ATG7: variants seen among roughly 807,000 people sequenced by gnomAD.
ATG7 encodes the protein autophagy related 7.
ATG7 carries 70 observed loss-of-function variants against 82.4 expected under a neutral mutation model. The observed-to-expected ratio is 0.85, with a 90% CI of 0.70 to 1.04. The LOEUF (loss-of-function observed/expected upper bound fraction) is 1.04. Ranked by LOEUF, ATG7 falls within the 50% of genes least tolerant of loss-of-function variation. ATG7 has a pLI of 0.00. For synonymous variants in ATG7, 287 were observed against 313.0 expected, an observed-to-expected ratio of 0.92 and a Z score of 0.88; for missense variants, 792 against 864.3, an observed-to-expected ratio of 0.92 and a Z score of 1.05.
chr3:11,378,100 G>A (rs111556267), intron 18 of ATG7, among the ~76,000 whole-genome samples: 173 of 125,682 alleles, frequency 1.4e-3, no homozygotes, highest in African/African-American at 4.9e-3. Flanking sequence ...TGCAACCTCT[G>A]CCTCCCAGGA....
At chr3:11,414,162 T>C (rs1464117323) in intron 19 of ATG7, among the ~76,000 whole-genome samples, 3 of 152,140 alleles carry the variant, frequency 2.0e-5, no homozygotes, top group Admixed American at 6.6e-5. Context: ...TCCTCCCAGG[T>C]TCAAGTGATT....
intron 20 of ATG7, among the ~76,000 whole-genome samples, chr3:11,470,236 A>T (rs2087338911): frequency 6.6e-6 from 1 of 152,084 alleles, no homozygotes; most frequent in Non-Finnish European, 1.5e-5. Flanking sequence ...AACGATGGGG[A>T]TGCATTGTTA....
intron 20 of ATG7, among the ~76,000 whole-genome samples, chr3:11,451,727 C>T (rs922980186): frequency 1.4e-5 from 2 of 147,818 alleles, no homozygotes; most frequent in African/African-American, 5.0e-5. Flanking sequence ...ATGCTAACAT[C>T]TAGCATAAGA....
intron 18 of ATG7, among the ~76,000 whole-genome samples, chr3:11,365,362 T>C (rs149011642): frequency 2.0e-5 from 3 of 152,210 alleles, no homozygotes; most frequent in African/African-American, 7.2e-5. Context: ...AGAAAAAGAA[T>C]CCAAAGCATC....
intron 20 of ATG7, among the ~76,000 whole-genome samples, chr3:11,528,137 G>A (rs2092622288): frequency 6.6e-6 from 1 of 152,160 alleles, no homozygotes; most frequent in South Asian, 2.1e-4. Flanking sequence ...GTAAAGTTCT[G>A]TTTACTCTTC....
chr3:11,480,538 A>G (rs542186018), intron 20 of ATG7, among the ~76,000 whole-genome samples: 2 of 152,270 alleles, frequency 1.3e-5, no homozygotes, highest in South Asian at 4.1e-4. Context: ...ACTGCCCTCC[A>G]GCCTGGGCAA....
intron 20 of ATG7, among the ~76,000 whole-genome samples, chr3:11,491,020 C>T (rs1159364969): frequency 6.6e-6 from 1 of 152,174 alleles, no homozygotes; most frequent in Non-Finnish European, 1.5e-5. Context: ...TGTTGGCCTA[C>T]CTTGCTAGAT....
chr3:11,510,901 T>G (rs958128970), intron 20 of ATG7, among the ~76,000 whole-genome samples: 1 of 152,140 alleles, frequency 6.6e-6, no homozygotes, highest in Admixed American at 6.5e-5. Flanking sequence ...GGGTTCTTGG[T>G]CTCACTGACT....
intron 19 of ATG7, among the ~76,000 whole-genome samples, chr3:11,414,227 A>C (rs2081170261): frequency 6.6e-6 from 1 of 151,958 alleles, no homozygotes; most frequent in Admixed American, 6.6e-5. Flanking sequence ...CACCACACCT[A>C]GCTAATTTTT....
At chr3:11,569,922 C>T in the ATG7 span, among the ~76,000 whole-genome samples, 7 of 152,180 alleles carry the variant, frequency 4.6e-5, no homozygotes, top group Non-Finnish European at 1.0e-4. Flanking sequence ...TCTTAAAAAG[C>T]TTCCTCAGAA....
At chr3:11,485,580 C>T (rs1423357342) in intron 20 of ATG7, among the ~76,000 whole-genome samples, 1 of 152,168 alleles carries the variant, frequency 6.6e-6, no homozygotes, top group East Asian at 1.9e-4. Context: ...CTTTTGTTGA[C>T]ATTGCTTTTG....
chr3:11,321,747 C>A (rs1445471171), intron 9 of ATG7, among the ~76,000 whole-genome samples: 1 of 152,142 alleles, frequency 6.6e-6, no homozygotes, highest in Non-Finnish European at 1.5e-5. Context: ...GTAACAACAC[C>A]CCCTTCCTTG....
At chr3:11,397,744 C>A (rs2079440611) in intron 19 of ATG7, among the ~76,000 whole-genome samples, 2 of 62,282 alleles carry the variant, frequency 3.2e-5, no homozygotes, top group African/African-American at 1.2e-4. Context: ...GGCGTGCACC[C>A]ACGCCCAGCC....
rs567714019 is a variant in ATG7 at position 11,380,096 on chromosome 3, G to A, written c.1956+44G>A. 67 of 1,586,326 alleles carry A rather than the reference G, an allele frequency of 4.2e-5. 1 individual carries two copies. In the South Asian group the frequency reaches 6.0e-4, roughly 14 times the overall value. On this transcript the variant is annotated intron_variant, in intron 19 of 20. Coordinates refer to ENST00000693202, the MANE Select transcript of ATG7 (RefSeq NM_001349232.2). ...GAGGGACTTGTTTTTAAAAGTGAGC[G>A]GGTCAGCATTTGACCGCAGCCTCAC... is the stretch of plus-strand genomic sequence containing the variant.
At chr3:11,335,150 G>A (rs1048171923) in intron 11 of ATG7, among the ~76,000 whole-genome samples, 4 of 151,938 alleles carry the variant, frequency 2.6e-5, no homozygotes, top group African/African-American at 9.7e-5. Flanking sequence ...TCAGTTTAGA[G>A]CCTTTGCCTT....
At chr3:11,413,645 T>C (rs147988255) in intron 19 of ATG7, among the ~76,000 whole-genome samples, 13 of 152,366 alleles carry the variant, frequency 8.5e-5, no homozygotes, top group African/African-American at 3.1e-4. Flanking sequence ...TTTACTGTTA[T>C]TTCATTGAGG....
chr3:11,558,388 A>G, downstream of ATG7: 2 of 1,153,656 alleles, frequency 1.7e-6, no homozygotes, highest in Non-Finnish European at 2.4e-6. Flanking sequence ...ACGGATACCA[A>G]GCAAGTACAA....
intron 20 of ATG7, among the ~76,000 whole-genome samples, chr3:11,449,498 T>TGA (rs1011783289): frequency 2.0e-5 from 3 of 151,788 alleles, no homozygotes; most frequent in Admixed American, 6.6e-5. Context: ...ACTGAGAGGG[T>TGA]GAGAGAGAGT....
chr3:11,285,698 G>C lies in ATG7; in HGVS notation c.-11+3260G>C, dbSNP rs140366504. ...TCTGTCAGGTTGATTGGTTTTGCCTGTTGAACAACGTATAAAGCTGTGTGT... is the reference window on the plus strand; with the variant it reads ...TCTGTCAGGTTGATTGGTTTTGCCTCTTGAACAACGTATAAAGCTGTGTGT... On this transcript the variant is annotated intron_variant, in intron 3 of 20. Transcript: ENST00000693202. Among the ~76,000 whole-genome samples, 9 of 152,230 alleles carry C rather than the reference G, an allele frequency of 5.9e-5. No individual in the cohort carries two copies. The East Asian group carries it at 1.7e-3, about 29-fold the overall frequency.
Sources: allele counts gnomAD v4.1 joint callset (sites outside exome capture counted in the v4.1 genomes callset), GRCh38; gene constraint gnomAD v4.1.1; transcripts MANE v1.5; gene names NCBI Gene and HGNC (gene_info 2026-07-23, HGNC 2026-07-21).